MID1: variants seen among roughly 807,000 people sequenced by gnomAD.
MID1 encodes the protein E3 ubiquitin-protein ligase Midline-1.
A neutral mutation model predicts 40.4 loss-of-function variants in MID1; 7 were observed. That is an observed-to-expected ratio of 0.17 (90% confidence interval 0.10 to 0.33). The LOEUF is 0.33. MID1 is among the 10% of genes least tolerant of loss of function. The pLI, the probability that MID1 is intolerant of heterozygous loss-of-function variation, is 1.00. For missense variants in MID1, 367 were observed against 558.5 expected (o/e 0.66, Z 3.46); for synonymous variants, 229 against 221.2 (o/e 1.04, Z -0.31).
At chrX:10,459,429 A>C (rs780838251) in intron 8 of MID1, among the ~76,000 whole-genome samples, 2 of 112,372 alleles carry the variant, frequency 1.8e-5, no homozygotes, top group East Asian at 5.6e-4. Context: ...TGAGTAATGC[A>C]GAGAGAGTAA....
chrX:10,462,674 C>T (rs1451672991), intron 7 of MID1, among the ~76,000 whole-genome samples: 3 of 110,548 alleles, frequency 2.7e-5, no homozygotes, highest in African/African-American at 9.9e-5. Context: ...TTTTCATTCA[C>T]AATGGGTTAG....
intron 1 of MID1, among the ~76,000 whole-genome samples, chrX:10,748,795 G>A (rs1000430946): frequency 1.8e-4 from 20 of 111,578 alleles, no homozygotes; most frequent in African/African-American, 6.2e-4. Flanking sequence ...CTGACCTCTA[G>A]TACTTTAAAC....
At position 10,674,801 on chromosome X, in the gene MID1, T is replaced by C. The variant is rs746651437; in HGVS notation, c.-186-54382A>G. On this transcript the variant is annotated intron_variant, in intron 1 of 10. Transcript: ENST00000380785. Reference sequence around the variant, plus strand: ...TCCTAAAGGCAAAGATAACATCGTTTGGTTGAATTAGCATTTTCAGTTGAG... The same window carrying C: ...TCCTAAAGGCAAAGATAACATCGTTCGGTTGAATTAGCATTTTCAGTTGAG... Among the ~76,000 whole-genome samples the C allele has an allele frequency of 1.2e-4, 14 of 112,314 alleles. No homozygotes were observed. The South Asian group carries it at 5.2e-3, about 42-fold the overall frequency.
At chrX:10,576,991 C>T (rs1934887131) in intron 1 of MID1, 1 of 111,271 alleles carries the variant, frequency 9.0e-6, no homozygotes, top group Admixed American at 9.5e-5. Flanking sequence ...ACCTCATCCA[C>T]TCCGCCAGGG....
chrX:10,579,893 T>C (rs926974273), intron 1 of MID1, among the ~76,000 whole-genome samples: 1 of 108,631 alleles, frequency 9.2e-6, no homozygotes, highest in African/African-American at 3.4e-5. Context: ...GATGGGAACA[T>C]GGCAATGAAA....
At chrX:10,604,427 A>G (rs896215261) in intron 1 of MID1, among the ~76,000 whole-genome samples, 4 of 111,752 alleles carry the variant, frequency 3.6e-5, no homozygotes, top group African/African-American at 1.3e-4. Flanking sequence ...TGAAGAATAT[A>G]ATACTTTAAA....
rs1936000836 is a variant in MID1 at position 10,626,840 on chromosome X, G to A, written c.-186-6421C>T. The stretch of plus-strand genomic sequence containing the variant: ...GTGTTACTGGGTGAACATAATTCCT[G>A]ACACCATTATATTGGAAGAATGTGG... On this transcript the variant is annotated intron_variant, in intron 1 of 10. Coordinates refer to the MID1 transcript ENST00000380785. Among the ~76,000 whole-genome samples, 4 of 111,935 alleles carry A rather than the reference G, an allele frequency of 3.6e-5. No homozygotes were observed. In the South Asian group the frequency reaches 1.5e-3, roughly 42 times the overall value.
chrX:10,572,036 A>G (rs917490349), intron 1 of MID1, among the ~76,000 whole-genome samples: 1 of 109,146 alleles, frequency 9.2e-6, no homozygotes, highest in African/African-American at 3.3e-5. Context: ...TAAAAGATGA[A>G]CAGGGATTCA....
At chrX:10,662,858 G>A (rs1241869486) in intron 1 of MID1, among the ~76,000 whole-genome samples, 1 of 110,753 alleles carries the variant, frequency 9.0e-6, no homozygotes, top group East Asian at 2.8e-4. Context: ...GTGAGGTTGA[G>A]GATTAAAACC....
chrX:10,568,845 C>T (rs1171546325), intron 1 of MID1, among the ~76,000 whole-genome samples: 1 of 111,844 alleles, frequency 8.9e-6, no homozygotes, highest in African/African-American at 3.3e-5. Context: ...GGAACCAAGC[C>T]GCTTTGAACC....
intron 1 of MID1, among the ~76,000 whole-genome samples, chrX:10,800,191 C>T (rs756959459): frequency 8.9e-6 from 1 of 111,955 alleles, no homozygotes; most frequent in Non-Finnish European, 1.9e-5. Context: ...AGCAGACTCT[C>T]ACCCTAGCTG....
chrX:10,718,054 G>C (rs2043319279), intron 1 of MID1, among the ~76,000 whole-genome samples: 1 of 111,983 alleles, frequency 8.9e-6, no homozygotes. Flanking sequence ...GCAGTGTGTA[G>C]AGGGAAATTT....
chrX:10,533,472 T>TAA (rs201138973), intron 2 of MID1, among the ~76,000 whole-genome samples: 26,934 of 91,305 alleles, frequency 0.29, 3,780 homozygotes, highest in Non-Finnish European at 0.34. Context: ...ATGTGGATGG[T>TAA]AAAAAAAAAA....
intron 3 of MID1, among the ~76,000 whole-genome samples, chrX:10,510,303 C>T (rs916505134): frequency 2.7e-5 from 3 of 111,353 alleles, no homozygotes; most frequent in African/African-American, 9.8e-5. Context: ...TAAAACATTT[C>T]TATCACCCTA....
intron 3 of MID1, chrX:10,505,642 CAG>C (rs1281889876): frequency 1.3e-6 from 1 of 751,519 alleles, no homozygotes; most frequent in Non-Finnish European, 1.6e-6. Context: ...ATGTTGTGGT[CAG>C]AGGGTAAACA....
At chrX:10,691,992 C>G (rs768991559) in intron 1 of MID1, among the ~76,000 whole-genome samples, 2 of 111,608 alleles carry the variant, frequency 1.8e-5, no homozygotes, top group South Asian at 7.7e-4. Flanking sequence ...CTCAGGCTTG[C>G]TAGGATTGGG....
In MID1 at chrX:10,567,395, G is replaced by A. The variant is rs1389044580; in HGVS notation, c.153C>T (p.Ile51=). The A allele has an allele frequency of 8.3e-7, 1 of 1,206,440 alleles. No homozygotes were observed. The highest frequency in any genetic ancestry group is 1.8e-5 in the South Asian group (1 of 56,276). The change falls in exon 2 of 10, where the codon ATC becomes ATT. Residue 51 remains isoleucine, a synonymous_variant. Coordinates refer to ENST00000317552, the MANE Select transcript of MID1 (RefSeq NM_000381.4). ...GGCAGGTGGGGCACTGGAAGGCGGT[G>A]ATGGACTCCACAGACTCGTTGGTGG... is the stretch of plus-strand genomic sequence containing the variant. ...HCATNESVES[I]TAFQCPTCRH...
chrX:10,641,478 T>G (rs914614814), intron 1 of MID1, among the ~76,000 whole-genome samples: 2 of 111,743 alleles, frequency 1.8e-5, no homozygotes, highest in African/African-American at 6.5e-5. Context: ...AGGAAGAAGT[T>G]GAATCCCTGA....
intron 1 of MID1, among the ~76,000 whole-genome samples, chrX:10,609,715 C>CTTTTTTTTTTTTTTTTTTTTTTT (rs138559299): frequency 2.3e-5 from 2 of 86,413 alleles, no homozygotes; most frequent in South Asian, 5.0e-4. Flanking sequence ...TTCTTTCTTT[C>CTTTTTTTTTTTTTTTTTTTTTTT]TTTTTTTTTT....
Sources: allele counts gnomAD v4.1 joint callset (sites outside exome capture counted in the v4.1 genomes callset), GRCh38; gene constraint gnomAD v4.1.1; transcripts MANE v1.5; gene names NCBI Gene and HGNC (gene_info 2026-07-23, HGNC 2026-07-21).